The following GABRG3 variants were observed in gnomAD, a reference collection of about 807,000 sequenced individuals.
GABRG3 encodes gamma-aminobutyric acid receptor subunit gamma-3.
Under a neutral mutation model 48.8 loss-of-function variants are expected in GABRG3, and 25 were observed. The ratio of observed to expected loss-of-function variants is 0.51; its 90% CI spans 0.37 to 0.72. GABRG3 has a LOEUF of 0.72. Ranked by LOEUF, GABRG3 falls within the 30% of genes least tolerant of loss-of-function variation. The pLI is 0.00. For missense variants in GABRG3, 394 were observed against 577.9 expected, an observed-to-expected ratio of 0.68 and a Z score of 3.26; for synonymous variants, 227 against 217.6, an observed-to-expected ratio of 1.04 and a Z score of -0.38.
At chr15:27,372,801 T>G (rs1390418315) in intron 5 of GABRG3, among the ~76,000 whole-genome samples, 1 of 152,208 alleles carries the variant, frequency 6.6e-6, no homozygotes, top group East Asian at 1.9e-4. Context: ...CTCTTCATAC[T>G]CACTTCCCTC....
At chr15:27,460,523 A>C (rs967498058) in intron 5 of GABRG3, among the ~76,000 whole-genome samples, 1 of 152,190 alleles carries the variant, frequency 6.6e-6, no homozygotes, top group South Asian at 2.1e-4. Flanking sequence ...GCAGGGGTAA[A>C]TTTCAGGGAA....
chr15:27,007,149 G>C (rs748879466), intron 2 of GABRG3, among the ~76,000 whole-genome samples: 1 of 150,978 alleles, frequency 6.6e-6, no homozygotes. Context: ...GCATAATCTT[G>C]GCTCACTGCA....
intron 3 of GABRG3, among the ~76,000 whole-genome samples, chr15:27,234,484 T>A (rs564150830): frequency 6.6e-6 from 1 of 152,298 alleles, no homozygotes; most frequent in South Asian, 2.1e-4. Context: ...TGTCAGCAGG[T>A]CCTGTAAGCT....
intron 3 of GABRG3, among the ~76,000 whole-genome samples, chr15:27,245,027 C>T (rs997847755): frequency 6.6e-6 from 1 of 152,176 alleles, no homozygotes; most frequent in African/African-American, 2.4e-5. Context: ...GCAGACATCT[C>T]ACGGGTCGTG....
At chr15:26,973,201 A>C (rs1324964973) in intron 1 of GABRG3, among the ~76,000 whole-genome samples, 1 of 152,178 alleles carries the variant, frequency 6.6e-6, no homozygotes, top group Non-Finnish European at 1.5e-5. Flanking sequence ...TCACTACTGC[A>C]TGTGCTTAGT....
chr15:27,085,052 G>T (rs1897053491), intron 3 of GABRG3, among the ~76,000 whole-genome samples: 1 of 152,198 alleles, frequency 6.6e-6, no homozygotes, highest in Non-Finnish European at 1.5e-5. Context: ...AGCACTTCAG[G>T]CTTATTCGAT....
At chr15:27,328,963 G>A in intron 5 of GABRG3, 75 bp downstream of exon 5, 2 of 1,197,640 alleles carry the variant, frequency 1.7e-6, no homozygotes, top group East Asian at 2.4e-5. Context: ...CTGTCAAACA[G>A]TCATGTGATT....
rs1030701692 is a variant in GABRG3 at position 26,976,370 on chromosome 15, G to A, written c.54-632G>A. On this transcript the variant is annotated intron_variant, in intron 1 of 9. Transcript: ENST00000615808. The surrounding 1 kb of genome is among the most constrained non-coding windows in gnomAD (Gnocchi z 7.8). ...GGAGATGAATCAGTTTGTGTTGACCGAGGCGTGCAAGATTGCTAGAGGGTC... is the reference window on the plus strand; with the variant it reads ...GGAGATGAATCAGTTTGTGTTGACCAAGGCGTGCAAGATTGCTAGAGGGTC... 6.6e-5 allele frequency among the ~76,000 whole-genome samples: 10 copies of A among 152,154 alleles called. No individual in the cohort carries two copies. Among genetic ancestry groups the A allele is most frequent in the African/African-American group, 1.9e-4 (8 of 41,432 alleles).
chr15:27,104,631 C>T (rs559077917), intron 3 of GABRG3, among the ~76,000 whole-genome samples: 1 of 152,292 alleles, frequency 6.6e-6, no homozygotes, highest in South Asian at 2.1e-4. Context: ...TTGCCTGTAA[C>T]TTTTTCTTTT....
In GABRG3 at chr15:26,977,129, A is replaced by C; in HGVS notation, c.181A>C (p.Lys61Gln). The C allele has an allele frequency of 6.2e-7, 1 of 1,613,634 alleles. No individual in the cohort carries two copies. Among genetic ancestry groups the C allele is most frequent in the South Asian group, 1.1e-5 (1 of 91,044 alleles). ...LNKLLREYDKKLRPDIGIKPT... is the reference protein window; with the variant it reads ...LNKLLREYDKQLRPDIGIKPT... ...CAAGTTGCTAAGAGAATATGATAAA[A>C]AGCTGAGGCCAGATATTGGAAGTGA... The change falls in exon 2 of 10, where the codon AAG (lysine) becomes CAG (glutamine). Residue 61 changes from lysine (K) to glutamine (Q), a missense_variant. Transcript: ENST00000615808.
intron 3 of GABRG3, among the ~76,000 whole-genome samples, chr15:27,110,793 C>A (rs1468665027): frequency 1.3e-5 from 2 of 152,160 alleles, no homozygotes; most frequent in East Asian, 1.9e-4. Context: ...CCCACCCCAA[C>A]CCATCCGTGG....
intron 5 of GABRG3, among the ~76,000 whole-genome samples, chr15:27,378,820 T>C (rs1050082767): frequency 2.6e-5 from 4 of 152,192 alleles, no homozygotes; most frequent in Non-Finnish European, 2.9e-5. Context: ...GGAGTTGATA[T>C]GTAAAGAAAA....
intron 3 of GABRG3, among the ~76,000 whole-genome samples, chr15:27,205,581 G>A (rs1000783978): frequency 2.6e-5 from 4 of 152,066 alleles, no homozygotes; most frequent in African/African-American, 9.7e-5. Flanking sequence ...CTCATAGAAT[G>A]AGTTAGGGAG....
intron 3 of GABRG3, among the ~76,000 whole-genome samples, chr15:27,206,182 G>A (rs1328842382): frequency 6.6e-6 from 1 of 152,088 alleles, no homozygotes; most frequent in African/African-American, 2.4e-5. Context: ...TTTTTGATGT[G>A]CACATTTAGC....
chr15:27,467,112 C>A (rs115062426), intron 5 of GABRG3, among the ~76,000 whole-genome samples: 322 of 152,236 alleles, frequency 2.1e-3, no homozygotes, highest in African/African-American at 7.5e-3. Context: ...TGGGGAAGTA[C>A]CATGATCTGA....
intron 5 of GABRG3, among the ~76,000 whole-genome samples, chr15:27,356,267 G>A (rs1044485945): frequency 6.6e-6 from 1 of 152,132 alleles, no homozygotes; most frequent in African/African-American, 2.4e-5. Context: ...GGGAAGGGTA[G>A]GGGGTGGGGA....
intron 3 of GABRG3, among the ~76,000 whole-genome samples, chr15:27,187,045 TA>T (rs1313355316): frequency 6.9e-6 from 1 of 143,954 alleles, no homozygotes; most frequent in African/African-American, 2.6e-5. Context: ...GGGATTTTTA[TA>T]GTTTGAGGTC....
chr15:27,143,028 T>C (rs909340841), intron 3 of GABRG3, among the ~76,000 whole-genome samples: 1 of 152,158 alleles, frequency 6.6e-6, no homozygotes, highest in Non-Finnish European at 1.5e-5. Flanking sequence ...ATGCTAAGAT[T>C]ACAAGCATGA....
At chr15:27,390,628 A>G (rs1390106610) in intron 5 of GABRG3, among the ~76,000 whole-genome samples, 3 of 152,068 alleles carry the variant, frequency 2.0e-5, no homozygotes, top group African/African-American at 7.2e-5. Context: ...CCTCCCATCT[A>G]TGTTGGTGTC....
Sources: gnomAD v4.1 joint callset for allele counts (sites outside exome capture counted in the v4.1 genomes callset) on GRCh38, gnomAD v4.1.1 for gene constraint, Gnocchi (gnomAD v3.1) non-coding constraint, MANE v1.5 for transcripts, NCBI Gene and HGNC (gene_info 2026-07-23, HGNC 2026-07-21) for gene names.